The following TMEM11 variants were observed in gnomAD, a reference collection of about 807,000 sequenced individuals.
TMEM11 encodes transmembrane protein 11, mitochondrial.
A neutral mutation model predicts 17.0 loss-of-function variants in TMEM11; 1 was observed. That is an observed-to-expected ratio of 0.06 (90% CI 0.02 to 0.28). TMEM11 has a LOEUF of 0.28. TMEM11 is among the 10% of genes least tolerant of loss of function. The pLI, the probability that TMEM11 is intolerant of heterozygous loss-of-function variation, is 1.00. For missense variants in TMEM11, 172 were observed against 252.9 expected, an observed-to-expected ratio of 0.68 and a Z score of 2.17; for synonymous variants, 122 against 118.1, an observed-to-expected ratio of 1.03 and a Z score of -0.21.
intron 1 of TMEM11, among the ~76,000 whole-genome samples, chr17:21,203,972 T>C (rs1360083502): frequency 6.8e-6 from 1 of 147,342 alleles, no homozygotes; most frequent in Non-Finnish European, 1.5e-5. Flanking sequence ...TTTTTTTTTT[T>C]TTTTTTAAAT....
chr17:21,205,317 G>GA (rs1186988765), intron 1 of TMEM11, among the ~76,000 whole-genome samples: 2 of 152,208 alleles, frequency 1.3e-5, no homozygotes, highest in East Asian at 1.9e-4. Flanking sequence ...TTAGTGACAT[G>GA]AATCAGTTCC....
At position 21,198,432 on chromosome 17, in the gene TMEM11, C is replaced by T. The variant is rs752258502; in HGVS notation, c.471G>A (p.Val157=). 5.6e-6 allele frequency: 9 copies of T among 1,614,240 alleles called. No individual in the cohort carries two copies. The South Asian group carries it at 8.8e-5, about 16-fold the overall frequency. Residue 157 remains valine (V), a synonymous_variant, in exon 2 of 2, where the codon GTG becomes GTA. Coordinates refer to ENST00000317635, the MANE Select transcript of TMEM11 (RefSeq NM_003876.3). The surrounding 1 kb of genome is among the most constrained non-coding windows in gnomAD (Gnocchi z 6.5). Reference sequence around the variant, plus strand: ...GCAGGTCGTCCTTCCGGACCAGCACCACCGGGGTGGAGGAGGTGAGTGTGT... The same window carrying T: ...GCAGGTCGTCCTTCCGGACCAGCACTACCGGGGTGGAGGAGGTGAGTGTGT... ...PLHTLTSSTP[V]VLVRKDDLHR...
At position 21,198,308 on chromosome 17, in the gene TMEM11, C is replaced by G. The variant is rs1298860543; in HGVS notation, c.*16G>C. On this transcript the variant is annotated 3_prime_UTR_variant, in exon 2 of 2. Transcript: ENST00000317635. This position sits in a 1 kb window ranked among gnomAD's most constrained non-coding sequence, Gnocchi z 6.5. ...GTGGGCCGGGTGGTTTTGCTTCGCT[C>G]CCTGTTCTACTGAAATCATACGGCA... The G allele has an allele frequency of 1.3e-6, 2 of 1,599,224 alleles. No homozygotes were observed. The highest frequency in any genetic ancestry group is 1.7e-6 in the Non-Finnish European group (2 of 1,169,230).
intron 1 of TMEM11, among the ~76,000 whole-genome samples, chr17:21,207,443 G>A (rs1974954216): frequency 6.6e-6 from 1 of 152,102 alleles, no homozygotes; most frequent in African/African-American, 2.4e-5. Flanking sequence ...CAGGAGAATC[G>A]CTTGAACCCC....
At chr17:21,209,008 C>G (rs1260748396) in intron 1 of TMEM11, among the ~76,000 whole-genome samples, 1 of 152,218 alleles carries the variant, frequency 6.6e-6, no homozygotes, top group East Asian at 1.9e-4. Context: ...TAATTAAGCC[C>G]TGCTTCTTTG....
chr17:21,202,309 C>T (rs181913488), intron 1 of TMEM11, among the ~76,000 whole-genome samples: 181 of 152,292 alleles, frequency 1.2e-3, no homozygotes, highest in Middle Eastern at 0.01. Context: ...CACCTTGGGG[C>T]GGGCACCAGA....
At chr17:21,201,929 A>C (rs2144292116) in intron 1 of TMEM11, among the ~76,000 whole-genome samples, 1 of 152,358 alleles carries the variant, frequency 6.6e-6, no homozygotes, top group African/African-American at 2.4e-5. Context: ...TACCGCATCC[A>C]GCCAGATGCA....
chr17:21,201,852 G>T (rs930000131), intron 1 of TMEM11, among the ~76,000 whole-genome samples: 4 of 152,180 alleles, frequency 2.6e-5, no homozygotes, highest in African/African-American at 9.7e-5. Flanking sequence ...GGCTGGTCTC[G>T]AACTCCTGGG....
In TMEM11 at chr17:21,198,508, C is replaced by G; in HGVS notation, c.395G>C (p.Cys132Ser). Residue 132 changes from cysteine (C) to serine (S), a missense_variant, in exon 2 of 2, where the codon TGC becomes TCC. Coordinates refer to ENST00000317635, the MANE Select transcript of TMEM11 (RefSeq NM_003876.3). The surrounding 1 kb of genome is among the most constrained non-coding windows in gnomAD (Gnocchi z 6.5). ...YGISWQFDPC[C>S]KYQVEYDAYK... Reference sequence around the variant, plus strand: ...GGCGTCGTACTCCACTTGGTACTTGCAGCAAGGGTCAAACTGCCAGGAGAT... The same window carrying G: ...GGCGTCGTACTCCACTTGGTACTTGGAGCAAGGGTCAAACTGCCAGGAGAT... 1 of 1,614,234 alleles carries G rather than the reference C, an allele frequency of 6.2e-7. No individual in the cohort carries two copies. The highest frequency in any genetic ancestry group is 1.3e-5 in the African/African-American group (1 of 75,056).
chr17:21,206,060 T>C (rs1017627756), intron 1 of TMEM11, among the ~76,000 whole-genome samples: 30 of 151,424 alleles, frequency 2.0e-4, no homozygotes, highest in East Asian at 1.2e-3. Flanking sequence ...GGGGGGGGTA[T>C]ATATACCCAG....
At chr17:21,211,067 C>T (rs1398240495) in intron 1 of TMEM11, 1 of 1,289,716 alleles carries the variant, frequency 7.8e-7, no homozygotes, top group Non-Finnish European at 1.0e-6. Context: ...ACACAGATAC[C>T]TGCACTGTGC....
intron 1 of TMEM11, chr17:21,211,217 C>CT (rs1974999518): frequency 7.8e-7 from 1 of 1,289,380 alleles, no homozygotes; most frequent in Non-Finnish European, 1.0e-6. Context: ...ATTACAAACA[C>CT]TGTTGGTTCC....
At chr17:21,210,379 G>A (rs1209506385) in intron 1 of TMEM11, among the ~76,000 whole-genome samples, 1 of 152,134 alleles carries the variant, frequency 6.6e-6, no homozygotes, top group Admixed American at 6.6e-5. Context: ...ACAACCAGTG[G>A]CTAAACCCCC....
At position 21,214,131 on chromosome 17, in the gene TMEM11, G is replaced by A. The variant is rs777282307; in HGVS notation, c.22C>T (p.Arg8Cys). ...CCGCCACTGCTGCCCGGGCCAAGAC[G>A]CCTCCTTCCCCAAGCGGCCATCTTG... MAAWGRR[R>C]LGPGSSGGSA... The change falls in exon 1 of 2, where the codon CGT becomes TGT. Residue 8 changes from arginine (R) to cysteine (C), a missense_variant. Physicochemically the swap from Arg to Cys is radical, Grantham distance 180. Transcript: ENST00000317635. 11 of 1,612,296 alleles carry A rather than the reference G, an allele frequency of 6.8e-6. No individual in the cohort carries two copies. The highest frequency in any genetic ancestry group is 3.3e-5 in the Admixed American group (2 of 59,994).
chr17:21,199,400 G>A (rs1974858202), intron 1 of TMEM11, among the ~76,000 whole-genome samples: 1 of 151,122 alleles, frequency 6.6e-6, no homozygotes, highest in Non-Finnish European at 1.5e-5. Context: ...ACAAACACAG[G>A]CCTGGTGGTT....
At chr17:21,202,295 G>C (rs929127903) in intron 1 of TMEM11, among the ~76,000 whole-genome samples, 3 of 152,218 alleles carry the variant, frequency 2.0e-5, no homozygotes, top group Non-Finnish European at 4.4e-5. Flanking sequence ...AGCCAGGCCA[G>C]GGACACCTTG....
intron 1 of TMEM11, among the ~76,000 whole-genome samples, chr17:21,202,486 G>T (rs1974893218): frequency 2.0e-5 from 3 of 152,188 alleles, no homozygotes; most frequent in Non-Finnish European, 4.4e-5. Context: ...TCCCACAGAG[G>T]AAATTCCAGT....
Position 21,198,819 on chromosome 17 carries a change from G to T in TMEM11, c.84C>A (p.Asp28Glu). The change falls in exon 2 of 2, where the codon GAC (aspartate) becomes GAA (glutamate). Residue 28 changes from aspartate (D) to glutamate (E), a missense_variant. This residue lies in a region of TMEM11 where 49 missense variants were observed against 39.3 expected (regional missense o/e 1.25). Transcript: ENST00000317635. This position sits in a 1 kb window ranked among gnomAD's most constrained non-coding sequence, Gnocchi z 6.5. Reference sequence around the variant, plus strand: ...TGTAGATCTCATGCACAATGTAGCAGTCTGTGGCCGACAAGCTCACCCTTT... The same window carrying T: ...TGTAGATCTCATGCACAATGTAGCATTCTGTGGCCGACAAGCTCACCCTTT... ...ARERVSLSAT[D>E]CYIVHEIYNG... 1 of 1,610,604 alleles carries T rather than the reference G, an allele frequency of 6.2e-7. No homozygotes were observed. Among genetic ancestry groups the T allele is most frequent in the Non-Finnish European group, 8.5e-7 (1 of 1,177,778 alleles).
At chr17:21,199,328 GAAAAA>G (rs58031189) in intron 1 of TMEM11, among the ~76,000 whole-genome samples, 1 of 78,312 alleles carries the variant, frequency 1.3e-5, no homozygotes, top group South Asian at 5.2e-4. Context: ...CTCAGTCTCA[GAAAAA>G]AAAAAAAAAA....
Sources: gnomAD v4.1 joint callset for allele counts (sites outside exome capture counted in the v4.1 genomes callset) on GRCh38, gnomAD v4.1.1 for gene constraint, gnomAD v4.1.1 regional missense constraint, Gnocchi (gnomAD v3.1) non-coding constraint, MANE v1.5 for transcripts, NCBI Gene and HGNC (gene_info 2026-07-23, HGNC 2026-07-21) for gene names.